The following EPM2A variants were observed in gnomAD, a reference collection of about 807,000 sequenced individuals.
The protein encoded by EPM2A is EPM2A glucan phosphatase, laforin, also known as laforin.
In EPM2A, 21 loss-of-function variants were observed where a neutral mutation model predicts 26.5. That is an observed-to-expected ratio of 0.79 (90% CI 0.56 to 1.14). The LOEUF is 1.14. EPM2A is among the 50% of genes most tolerant of loss of function. The probability of loss-of-function intolerance (pLI) is 0.00; values close to 1 mark genes in which losing one functional copy is unlikely to be tolerated. For synonymous variants in EPM2A, 217 were observed against 177.6 expected (o/e 1.22, Z -1.76); for missense variants, 458 against 440.8 (o/e 1.04, Z -0.35).
At chr6:145,516,731 G>A (rs1369393218) in intron 2 of EPM2A, among the ~76,000 whole-genome samples, 1 of 152,114 alleles carries the variant, frequency 6.6e-6, no homozygotes, top group Non-Finnish European at 1.5e-5. Context: ...ACCTCAAATA[G>A]CTTTGATCTG....
intron 2 of EPM2A, among the ~76,000 whole-genome samples, chr6:145,678,200 T>C (rs973550115): frequency 1.3e-5 from 2 of 152,180 alleles, no homozygotes; most frequent in East Asian, 1.9e-4. Context: ...ATTTAATAAA[T>C]GGTGCTGGGA....
chr6:145,709,000 C>T (rs1219939467), intron 1 of EPM2A, among the ~76,000 whole-genome samples: 3 of 152,188 alleles, frequency 2.0e-5, no homozygotes, highest in Non-Finnish European at 4.4e-5. Flanking sequence ...GGTTTTCAGA[C>T]TTCATGGGGC....
At chr6:145,582,012 T>C (rs1166829414) in intron 2 of EPM2A, among the ~76,000 whole-genome samples, 3 of 151,232 alleles carry the variant, frequency 2.0e-5, no homozygotes, top group Admixed American at 2.0e-4. Flanking sequence ...AGTGGTAAGG[T>C]TCCTCTATGT....
intron 1 of EPM2A, chr6:145,720,889 AG>A (rs1775914770): frequency 6.6e-6 from 1 of 152,216 alleles, no homozygotes; most frequent in Non-Finnish European, 1.5e-5. Flanking sequence ...GACCGGGTGC[AG>A]TGGCTCATAC....
intron 4 of EPM2A, among the ~76,000 whole-genome samples, chr6:145,417,479 T>A (rs1236487972): frequency 6.6e-6 from 1 of 152,128 alleles, no homozygotes; most frequent in Non-Finnish European, 1.5e-5. Flanking sequence ...TTCTATTCAG[T>A]AAGTGTGTTT....
intron 2 of EPM2A, among the ~76,000 whole-genome samples, chr6:145,518,537 T>C (rs1202720685): frequency 6.8e-6 from 1 of 146,640 alleles, no homozygotes; most frequent in African/African-American, 2.6e-5. Context: ...AAATTTAACA[T>C]TAATGGAATC....
At chr6:145,396,602 A>G (rs1005997665) in intron 4 of EPM2A, among the ~76,000 whole-genome samples, 10 of 110,976 alleles carry the variant, frequency 9.0e-5, no homozygotes, top group African/African-American at 3.0e-4. Context: ...AAACTTTGCA[A>G]TGTCTGCCCT....
chr6:145,579,289 A>G (rs897042552), intron 2 of EPM2A, among the ~76,000 whole-genome samples: 3 of 152,122 alleles, frequency 2.0e-5, no homozygotes, highest in Non-Finnish European at 2.9e-5. Flanking sequence ...TTAAATTCCA[A>G]TCTCTTCTGG....
intron 4 of EPM2A, among the ~76,000 whole-genome samples, chr6:145,455,585 T>G (rs1379255664): frequency 6.6e-6 from 1 of 152,186 alleles, no homozygotes; most frequent in East Asian, 1.9e-4. Context: ...CTCGAACTCC[T>G]GACCTCAGGT....
At chr6:145,492,319 G>T (rs574268011) in intron 4 of EPM2A, among the ~76,000 whole-genome samples, 1 of 152,106 alleles carries the variant, frequency 6.6e-6, no homozygotes, top group South Asian at 2.1e-4. Context: ...TTTGGGTGCC[G>T]GCAGGAGCAA....
chr6:145,523,283 T>C (rs1780228354), intron 2 of EPM2A, among the ~76,000 whole-genome samples: 1 of 152,190 alleles, frequency 6.6e-6, no homozygotes, highest in Non-Finnish European at 1.5e-5. Flanking sequence ...GGGATCTCAA[T>C]TACATGAAAA....
intron 1 of EPM2A, among the ~76,000 whole-genome samples, chr6:145,695,781 T>C (rs1781538028): frequency 6.6e-6 from 1 of 152,030 alleles, no homozygotes; most frequent in South Asian, 2.1e-4. Flanking sequence ...AGCTCCTAAA[T>C]ATTTAAGGCA....
rs544763600 is a variant in EPM2A, at chr6:145,681,475, T to C, written c.476+4647A>G. ...GACATGAAGTCCTTGCCCATGCCTA[T>C]GTCCTGAATGGTAATGCCTAGGTTT... is the stretch of plus-strand genomic sequence containing the variant. On this transcript the variant is annotated intron_variant, in intron 2 of 3. Transcript: ENST00000367519. 4.8e-3 allele frequency among the ~76,000 whole-genome samples: 727 copies of C among 149,916 alleles called. 4 individuals carry two copies. Among genetic ancestry groups the C allele is most frequent in the African/African-American group, 0.017 (708 of 40,710 alleles).
At chr6:145,528,403 C>T (rs1274665116) in intron 2 of EPM2A, among the ~76,000 whole-genome samples, 1 of 152,082 alleles carries the variant, frequency 6.6e-6, no homozygotes, top group East Asian at 1.9e-4. Context: ...TCTCTTGCTA[C>T]AGGATAATGA....
intron 4 of EPM2A, among the ~76,000 whole-genome samples, chr6:145,419,118 A>G (rs887372506): frequency 1.3e-5 from 2 of 151,832 alleles, no homozygotes; most frequent in African/African-American, 4.8e-5. Flanking sequence ...GGCACATCCA[A>G]ATCTCTTGGG....
chr6:145,580,045 T>A (rs983835988), intron 2 of EPM2A, among the ~76,000 whole-genome samples: 1 of 152,146 alleles, frequency 6.6e-6, no homozygotes, highest in African/African-American at 2.4e-5. Context: ...ATTCTTAAAA[T>A]TTTTTTAAAG....
intron 4 of EPM2A, chr6:145,489,624 G>T: frequency 8.2e-7 from 1 of 1,223,142 alleles, no homozygotes; most frequent in South Asian, 1.3e-5. Context: ...ATATTCATGT[G>T]TAATTTCATT....
In EPM2A at chr6:145,644,379, TCTA is replaced by T. The variant is rs1298287907; in HGVS notation, c.477-8896_477-8894del. On this transcript the variant is annotated intron_variant, in intron 2 of 3. Coordinates refer to ENST00000367519, the MANE Select transcript of EPM2A (RefSeq NM_005670.4). ...CCTTGGTTCTAAATCATTCCCCTTTTCTACTATTTACAGTGCTCATTGACCTCC... is the reference window on the plus strand; with the variant it reads ...CCTTGGTTCTAAATCATTCCCCTTTTCTATTTACAGTGCTCATTGACCTCC... 2.0e-5 allele frequency among the ~76,000 whole-genome samples: 3 copies of T among 152,216 alleles called. 1 individual carries two copies. Among genetic ancestry groups the T allele is most frequent in the Admixed American group, 1.3e-4 (2 of 15,274 alleles).
intron 2 of EPM2A, among the ~76,000 whole-genome samples, chr6:145,613,561 T>A (rs997695430): frequency 1.3e-5 from 2 of 152,200 alleles, no homozygotes; most frequent in Non-Finnish European, 2.9e-5. Context: ...ATTCCTTAAA[T>A]AATAAGACTT....
Sources: allele counts gnomAD v4.1 joint callset (sites outside exome capture counted in the v4.1 genomes callset), GRCh38; gene constraint gnomAD v4.1.1; transcripts MANE v1.5; gene names NCBI Gene and HGNC (gene_info 2026-07-23, HGNC 2026-07-21).